Variants in SCRIB observed in about 807,000 individuals in gnomAD.
The protein encoded by SCRIB is scribble planar cell polarity protein, also known as protein scribble homolog.
Under a neutral mutation model 170.0 loss-of-function variants are expected in SCRIB, and 72 were observed. The ratio of observed to expected loss-of-function variants is 0.42; its 90% CI spans 0.35 to 0.52. The LOEUF (loss-of-function observed/expected upper bound fraction) is 0.52. Among genes scored for constraint, SCRIB ranks in the 20% least tolerant of loss-of-function variants. The pLI, the probability that SCRIB is intolerant of heterozygous loss-of-function variation, is 0.02. For synonymous variants in SCRIB, 1,298 were observed against 1,044.3 expected, an observed-to-expected ratio of 1.24 and a Z score of -4.68; for missense variants, 2,475 against 2,338.5, an observed-to-expected ratio of 1.06 and a Z score of -1.20.
intron 16 of SCRIB, among the ~76,000 whole-genome samples, 182 bp from the exon 17 acceptor site, chr8:143,807,195 C>T (rs1264890072): frequency 6.6e-6 from 1 of 152,266 alleles, no homozygotes; most frequent in Non-Finnish European, 1.5e-5. Flanking sequence ...CCCAAGACCC[C>T]AGCAGGAGGG....
intron 17 of SCRIB, 84 bp from the exon 18 acceptor site, chr8:143,806,568 G>A: frequency 8.8e-7 from 1 of 1,140,774 alleles, no homozygotes; most frequent in South Asian, 1.3e-5. Flanking sequence ...AGGAGGGGAA[G>A]ACCCACTCCC....
rs1266185740 is a variant in SCRIB, at chr8:143,813,914, A to G, written c.278-18T>C. On this transcript the variant is annotated intron_variant, in intron 2 of 36. Transcript: ENST00000356994. ...AGGGATATCTGTCACAGAGGGTCAC[A>G]GTGGACAGATGCCATGGCCTGCAGG... 5.0e-6 allele frequency: 8 copies of G among 1,605,370 alleles called. No homozygotes were observed. Among genetic ancestry groups the G allele is most frequent in the African/African-American group, 1.3e-5 (1 of 74,818 alleles).
At chr8:143,812,123 T>C in intron 9 of SCRIB, 143 bp downstream of exon 9, 1 of 724,002 alleles carries the variant, frequency 1.4e-6, no homozygotes, top group East Asian at 2.5e-5. Context: ...ATGCTCCCCC[T>C]CTGACAAGAG....
chr8:143,811,572 A>C (rs1326639437), intron 9 of SCRIB, among the ~76,000 whole-genome samples: 1 of 151,808 alleles, frequency 6.6e-6, no homozygotes, highest in Non-Finnish European at 1.5e-5. Context: ...AGTCCCCACC[A>C]CCAAAACACC....
chr8:143,805,353 C>A lies in SCRIB; in HGVS notation c.2429G>T (p.Arg810Leu). 4 of 1,551,534 alleles carry A rather than the reference C, an allele frequency of 2.6e-6. No individual in the cohort carries two copies. Among genetic ancestry groups the A allele is most frequent in the South Asian group, 1.2e-5 (1 of 85,350 alleles). ...CTCCACCATGCGCTCCCGCCACACT[C>A]GCATCTGCACGGCAGTGCCGGCCCC... ...LRGAGTAVQM[R>L]VWRERMVEPE... Residue 810 changes from arginine (R) to leucine (L), a missense_variant, in exon 19 of 37, where the codon CGA becomes CTA. Physicochemically the swap from Arg to Leu is moderately radical, Grantham distance 102 (BLOSUM62 -2). Around this residue, in one of 3 missense-constraint regions of SCRIB, gnomAD observed 1,966 missense variants for 1,742.9 expected, o/e 1.13. Coordinates refer to ENST00000356994, the MANE Select transcript of SCRIB (RefSeq NM_182706.5).
Position 143,806,391 on chromosome 8 carries a change from G to C in SCRIB, c.2346+16C>G. 1 of 1,591,810 alleles carries C rather than the reference G, an allele frequency of 6.3e-7. No homozygotes were observed. Among genetic ancestry groups the C allele is most frequent in the Non-Finnish European group, 8.6e-7 (1 of 1,167,642 alleles). On this transcript the variant is annotated intron_variant, in intron 18 of 36. Coordinates refer to ENST00000356994, the MANE Select transcript of SCRIB (RefSeq NM_182706.5). ...GGGCACAGCTGCCACTCGGGGCGGA[G>C]AGGTTGCCGACTCACCTCCAGGAGC...
chr8:143,803,058 T>C (rs1815238910), intron 24 of SCRIB, among the ~76,000 whole-genome samples: 1 of 152,200 alleles, frequency 6.6e-6, no homozygotes, highest in South Asian at 2.1e-4. Context: ...GATGGGACTC[T>C]GCAGGAGTCA....
chr8:143,807,404 G>A (rs1815476923), intron 16 of SCRIB, 148 bp downstream of exon 16: 1 of 760,248 alleles, frequency 1.3e-6, no homozygotes, highest in Non-Finnish European at 2.3e-6. Flanking sequence ...GGCAGGAGGT[G>A]TCCTGATCCT....
At chr8:143,791,608 GGGGCGGTGGC>G (rs1820085536) in intron 35 of SCRIB, 48 bp downstream of exon 35, 20 of 1,529,218 alleles carry the variant, frequency 1.3e-5, no homozygotes, top group South Asian at 4.5e-5. Context: ...GGAGCGGATG[GGGGCGGTGGC>G]AGGCACGGAC....
At position 143,795,363 on chromosome 8, in the gene SCRIB, G is replaced by A. The variant is rs199855196; in HGVS notation, c.3715-30C>T. 1.8e-3 allele frequency: 2,822 copies of A among 1,612,558 alleles called. 6 individuals carry two copies. Among genetic ancestry groups the A allele is most frequent in the Non-Finnish European group, 1.9e-3 (2,237 of 1,179,548 alleles). On this transcript the variant is annotated intron_variant, in intron 25 of 36. Transcript: ENST00000356994. Reference sequence around the variant, plus strand: ...GAGCAGAGCAGAGCAGACCCGTCAGGCACCACCGGCCTCGGGCTCCCTGGC... The same window carrying A: ...GAGCAGAGCAGAGCAGACCCGTCAGACACCACCGGCCTCGGGCTCCCTGGC...
rs1429970467 is a variant in SCRIB at position 143,795,044 on chromosome 8, C to T, written c.3840G>A (p.Val1280=). ...ALAAVPSAGS[V]QRVPSGAAGG... is the part of the protein sequence containing the mutation. ...CTGCACACTGGGCACTCACCCTCTG[C>T]ACGCTGCCAGCGCTGGGCACGGCGG... The change falls in exon 27 of 37, where the codon GTG becomes GTA. Residue 1280 remains valine, a synonymous_variant. Transcript: ENST00000356994. The T allele has an allele frequency of 6.2e-7, 1 of 1,610,498 alleles. No individual in the cohort carries two copies. Among genetic ancestry groups the T allele is most frequent in the Non-Finnish European group, 8.5e-7 (1 of 1,179,018 alleles).
At chr8:143,793,877 A>T (rs2129997682) in intron 28 of SCRIB, 23 bp downstream of exon 28, 1 of 1,611,650 alleles carries the variant, frequency 6.2e-7, no homozygotes, top group Middle Eastern at 1.7e-4. Flanking sequence ...CATGGGGCAC[A>T]CCCGTTAACT....
intron 13 of SCRIB, among the ~76,000 whole-genome samples, chr8:143,810,172 C>A (rs1256733709): frequency 6.6e-6 from 1 of 152,106 alleles, no homozygotes; most frequent in Non-Finnish European, 1.5e-5. Context: ...CCGATGACAC[C>A]CACGGCAGTT....
In SCRIB at chr8:143,812,294, T is replaced by C. The variant is rs768578848; in HGVS notation, c.878A>G (p.Glu293Gly). ...CAGCAGGTTCTCCGTGAGGATCAGC[T>C]CAGAGAGGTTCTCACAGTCCCCGAT... is the stretch of plus-strand genomic sequence containing the variant. ...EAIGDCENLS[E>G]LILTENLLMA... The change falls in exon 9 of 37, where the codon GAG (glutamate) becomes GGG (glycine). Residue 293 changes from glutamate to glycine, a missense_variant. Physicochemically the swap from Glu to Gly is moderately conservative, Grantham distance 98. Transcript: ENST00000356994. 6.2e-7 allele frequency: 1 copy of C among 1,612,616 alleles called. No individual in the cohort carries two copies. The highest frequency in any genetic ancestry group is 8.5e-7 in the Non-Finnish European group (1 of 1,178,774).
At chr8:143,792,451 G>C in intron 31 of SCRIB, 34 bp downstream of exon 31, 2 of 1,513,832 alleles carry the variant, frequency 1.3e-6, no homozygotes, top group South Asian at 1.3e-5. Context: ...GGCACGTGGG[G>C]TGAGTAGGGG....
In SCRIB at chr8:143,815,341, T is replaced by C; in HGVS notation, c.32A>G (p.Asn11Ser). The C allele has an allele frequency of 1.3e-6, 2 of 1,554,108 alleles. No homozygotes were observed. The highest frequency in any genetic ancestry group is 1.8e-5 in the Admixed American group (1 of 54,736). The change falls in exon 1 of 37, where the codon AAC becomes AGC. Residue 11 changes from asparagine to serine, a missense_variant. Asn to Ser is a conservative substitution (Grantham distance 46). Around this residue, in one of 3 missense-constraint regions of SCRIB, gnomAD observed 487 missense variants for 558.1 expected, o/e 0.87. Coordinates refer to ENST00000356994, the MANE Select transcript of SCRIB (RefSeq NM_182706.5). Reference sequence around the variant, plus strand: ...CTTGTCCACCGACTCCACGTGCCGGTTGCAGCGCCACAGCGGGATGCACTT... The same window carrying C: ...CTTGTCCACCGACTCCACGTGCCGGCTGCAGCGCCACAGCGGGATGCACTT... MLKCIPLWRC[N>S]RHVESVDKRH...
chr8:143,809,574 C>A lies in SCRIB; in HGVS notation c.1675G>T (p.Asp559Tyr). 1 of 1,611,582 alleles carries A rather than the reference C, an allele frequency of 6.2e-7. No individual in the cohort carries two copies. Among genetic ancestry groups the A allele is most frequent in the Non-Finnish European group, 8.5e-7 (1 of 1,179,760 alleles). Residue 559 changes from aspartate (D) to tyrosine (Y), a missense_variant, in exon 14 of 37, where the codon GAC becomes TAC. Coordinates refer to ENST00000356994, the MANE Select transcript of SCRIB (RefSeq NM_182706.5). Reference protein sequence around the residue: ...QEATTAGGEEDAEEDYQEPTV... With the variant: ...QEATTAGGEEYAEEDYQEPTV... ...ACCTCCTGGTAGTCCTCTTCGGCGT[C>A]TTCCTCCCCGCCAGCAGTCGTGGCT...
chr8:143,805,381 G>A lies in SCRIB; in HGVS notation c.2401C>T (p.Arg801Trp), dbSNP rs1554636309. ...ATCTGCACGGCAGTGCCGGCCCCCC[G>A]GAGCGCCTCCACGGCCTCGTGGTGC... is the stretch of plus-strand genomic sequence containing the variant. The part of the protein sequence containing the change: ...AEHHEAVEAL[R>W]GAGTAVQMRV... The change falls in exon 19 of 37, where the codon CGG becomes TGG. Residue 801 changes from arginine (R) to tryptophan (W), a missense_variant. This residue lies in a region of SCRIB where 1,966 missense variants were observed against 1,742.9 expected (regional missense o/e 1.13). Coordinates refer to ENST00000356994, the MANE Select transcript of SCRIB (RefSeq NM_182706.5). 7.1e-6 allele frequency: 11 copies of A among 1,548,020 alleles called. No individual in the cohort carries two copies. Among genetic ancestry groups the A allele is most frequent in the Non-Finnish European group, 8.7e-6 (10 of 1,152,888 alleles).
chr8:143,805,621 C>G (rs944861148), intron 18 of SCRIB, among the ~76,000 whole-genome samples, 186 bp from the exon 19 acceptor site: 7 of 152,224 alleles, frequency 4.6e-5, no homozygotes, highest in Non-Finnish European at 2.9e-5. Context: ...GACCCCTCCC[C>G]TACCAGGTCC....
Sources: gnomAD v4.1 joint callset for allele counts (sites outside exome capture counted in the v4.1 genomes callset) on GRCh38, gnomAD v4.1.1 for gene constraint, gnomAD v4.1.1 regional missense constraint, MANE v1.5 for transcripts, NCBI Gene and HGNC (gene_info 2026-07-23, HGNC 2026-07-21) for gene names.